PREX1: variants seen among roughly 807,000 people sequenced by gnomAD.
PREX1 encodes phosphatidylinositol-3,4,5-trisphosphate dependent Rac exchange factor 1, also known as phosphatidylinositol 3,4,5-trisphosphate-dependent Rac exchanger 1 protein.
In PREX1, 41 loss-of-function variants were observed where a neutral mutation model predicts 198.3. The observed-to-expected ratio is 0.21, with a 90% CI of 0.16 to 0.27. PREX1 has a LOEUF of 0.27. PREX1 is among the 10% of genes least tolerant of loss of function. PREX1 has a pLI of 1.00. For missense variants in PREX1, 1,620 were observed against 2,200.7 expected, an observed-to-expected ratio of 0.74 and a Z score of 5.28; for synonymous variants, 843 against 887.2, an observed-to-expected ratio of 0.95 and a Z score of 0.89.
intron 1 of PREX1, among the ~76,000 whole-genome samples, chr20:48,803,505 G>T (rs2090396814): frequency 6.6e-6 from 1 of 152,094 alleles, no homozygotes; most frequent in Non-Finnish European, 1.5e-5. Flanking sequence ...GGCAAAAGAG[G>T]TATGTACAGG....
At chr20:48,802,486 A>G (rs2090392053) in intron 1 of PREX1, among the ~76,000 whole-genome samples, 1 of 152,198 alleles carries the variant, frequency 6.6e-6, no homozygotes, top group Admixed American at 6.5e-5. Context: ...CTCAGTGTCC[A>G]GGTCCCAGCT....
chr20:48,636,391 C>A, intron 32 of PREX1, 72 bp downstream of exon 32: 1 of 1,452,360 alleles, frequency 6.9e-7, no homozygotes, highest in South Asian at 1.3e-5. Context: ...TGGGCAAGGG[C>A]TCCCTCGACC....
At chr20:48,762,428 A>G (rs191650921) in intron 1 of PREX1, among the ~76,000 whole-genome samples, 1 of 152,314 alleles carries the variant, frequency 6.6e-6, no homozygotes, top group East Asian at 1.9e-4. Flanking sequence ...CTAGATACAA[A>G]TAACAACCCT....
intron 5 of PREX1, among the ~76,000 whole-genome samples, chr20:48,709,116 G>C (rs763826097): frequency 5.9e-5 from 9 of 152,186 alleles, no homozygotes; most frequent in South Asian, 2.1e-4. Flanking sequence ...ATTCCAGCCA[G>C]TAAATGTGAT....
rs1399018700 is a variant in PREX1, at chr20:48,708,911, T to TCC, written c.622-492_622-491dup. On this transcript the variant is annotated intron_variant, in intron 5 of 39. Transcript: ENST00000371941. The stretch of plus-strand genomic sequence containing the variant: ...ACAGAGGCGGCCCCAACACTGCTCC[T>TCC]CCCCAGGCCCGGTTTTCTTATCATA... Among the ~76,000 whole-genome samples, 4 of 152,124 alleles carry TCC rather than the reference T, an allele frequency of 2.6e-5. No homozygotes were observed. In the East Asian group the frequency reaches 7.7e-4, roughly 29 times the overall value.
At position 48,637,724 on chromosome 20, in the gene PREX1, C is replaced by T; in HGVS notation, c.3933G>A (p.Leu1311=). 6.2e-7 allele frequency: 1 copy of T among 1,611,804 alleles called. No homozygotes were observed. Among genetic ancestry groups the T allele is most frequent in the Non-Finnish European group, 8.5e-7 (1 of 1,179,184 alleles). The change falls in exon 31 of 40, where the codon TTG becomes TTA. Residue 1311 remains leucine, a synonymous_variant. Coordinates refer to ENST00000371941, the MANE Select transcript of PREX1 (RefSeq NM_020820.4). The part of the protein sequence containing the change: ...EDGKNQLLLA[L]LKCTDTELQL... ...TAAAGGCCTCACCTGTGCACTTCAG[C>T]AAGGCCAGGAGCAGCTGGTTCTTCC...
intron 14 of PREX1, among the ~76,000 whole-genome samples, chr20:48,670,859 T>C (rs2089670894): frequency 6.6e-6 from 1 of 152,200 alleles, no homozygotes; most frequent in South Asian, 2.1e-4. Flanking sequence ...CTGGTGGCTG[T>C]GTGCCCTGCG....
chr20:48,667,938 T>C (rs773290951), intron 14 of PREX1, among the ~76,000 whole-genome samples: 6 of 152,174 alleles, frequency 3.9e-5, no homozygotes, highest in African/African-American at 7.2e-5. Flanking sequence ...CTCACAGCGG[T>C]GTGCTGGACA....
At chr20:48,784,374 G>GT (rs1204364503) in intron 1 of PREX1, among the ~76,000 whole-genome samples, 1 of 152,076 alleles carries the variant, frequency 6.6e-6, no homozygotes, top group African/African-American at 2.4e-5. Flanking sequence ...TTCATGCAAT[G>GT]TTGTTATTAC....
intron 10 of PREX1, among the ~76,000 whole-genome samples, chr20:48,685,754 G>T (rs1010080265): frequency 6.6e-6 from 1 of 152,142 alleles, no homozygotes; most frequent in African/African-American, 2.4e-5. Flanking sequence ...AGCTATAGAA[G>T]CCTAGCACAG....
At chr20:48,799,785 A>G (rs1252571160) in intron 1 of PREX1, among the ~76,000 whole-genome samples, 1 of 152,108 alleles carries the variant, frequency 6.6e-6, no homozygotes, top group Admixed American at 6.5e-5. Context: ...AGAAGAAAGT[A>G]CCCGTGTTCT....
chr20:48,739,922 A>AT (rs1646674801), intron 3 of PREX1, among the ~76,000 whole-genome samples: 1 of 152,234 alleles, frequency 6.6e-6, no homozygotes, highest in Admixed American at 6.5e-5. Flanking sequence ...TAATGAATGC[A>AT]TATCTGTAAG....
At chr20:48,682,662 A>G (rs1372324773) in intron 10 of PREX1, among the ~76,000 whole-genome samples, 1 of 152,174 alleles carries the variant, frequency 6.6e-6, no homozygotes, top group Non-Finnish European at 1.5e-5. Context: ...CAGCTTTCCC[A>G]GCTCCCACGT....
chr20:48,869,052 T>G, the PREX1 span, among the ~76,000 whole-genome samples: 1 of 151,954 alleles, frequency 6.6e-6, no homozygotes, highest in Non-Finnish European at 1.5e-5. Flanking sequence ...AATTTTTTTA[T>G]TTGTAGAGAT....
intron 1 of PREX1, among the ~76,000 whole-genome samples, chr20:48,767,623 G>A (rs1280474112): frequency 1.3e-5 from 2 of 152,176 alleles, no homozygotes; most frequent in Non-Finnish European, 2.9e-5. Flanking sequence ...ATCTGTCAGT[G>A]CATCGACGTA....
At chr20:48,800,663 G>A (rs965259017) in intron 1 of PREX1, among the ~76,000 whole-genome samples, 4 of 152,120 alleles carry the variant, frequency 2.6e-5, no homozygotes, top group African/African-American at 9.7e-5. Context: ...CAGCCTCTCA[G>A]ATGGCAAAAG....
chr20:48,643,176 TA>T (rs1198322989), intron 27 of PREX1, among the ~76,000 whole-genome samples: 1 of 152,174 alleles, frequency 6.6e-6, no homozygotes, highest in Non-Finnish European at 1.5e-5. Context: ...TAAACAAGAC[TA>T]AAATAAAAAA....
the PREX1 span, among the ~76,000 whole-genome samples, chr20:48,882,000 A>C: frequency 4.2e-4 from 63 of 150,574 alleles, no homozygotes; most frequent in Non-Finnish European, 6.9e-4. Context: ...CATACAGATC[A>C]TCATACAATA....
chr20:48,651,163 G>A, intron 22 of PREX1, 108 bp from the exon 23 acceptor site: 2 of 1,408,836 alleles, frequency 1.4e-6, no homozygotes, highest in Non-Finnish European at 1.9e-6. Context: ...CGGGAAGTCA[G>A]GTGTGTTGCT....
Sources: allele counts gnomAD v4.1 joint callset (sites outside exome capture counted in the v4.1 genomes callset), GRCh38; gene constraint gnomAD v4.1.1; transcripts MANE v1.5; gene names NCBI Gene and HGNC (gene_info 2026-07-23, HGNC 2026-07-21).